Variants in DLG2 observed in about 807,000 individuals in gnomAD.
The protein encoded by DLG2 is disks large homolog 2.
DLG2 carries 45 observed loss-of-function variants against 132.5 expected under a neutral mutation model. That is an observed-to-expected ratio of 0.34 (90% CI 0.27 to 0.44). The LOEUF (loss-of-function observed/expected upper bound fraction) is 0.44. Ranked by LOEUF, DLG2 falls within the 20% of genes least tolerant of loss-of-function variation. The probability of loss-of-function intolerance (pLI) is 1.00; values close to 1 mark genes in which losing one functional copy is unlikely to be tolerated. For synonymous variants in DLG2, 424 were observed against 419.6 expected (o/e 1.01, Z -0.13); for missense variants, 1,045 against 1,196.9 (o/e 0.87, Z 1.87).
chr11:85,331,713 T>C (rs1386143767), intron 3 of DLG2, among the ~76,000 whole-genome samples: 2 of 152,158 alleles, frequency 1.3e-5, no homozygotes, highest in African/African-American at 4.8e-5. Context: ...CGTGAAAACA[T>C]GAAGTATTTA....
At chr11:84,720,120 C>T (rs1401535827) in intron 6 of DLG2, among the ~76,000 whole-genome samples, 1 of 152,136 alleles carries the variant, frequency 6.6e-6, no homozygotes, top group Non-Finnish European at 1.5e-5. Flanking sequence ...CAACATCGGA[C>T]GCCAGAAAAT....
At chr11:85,498,154 G>A (rs893686085) in intron 3 of DLG2, among the ~76,000 whole-genome samples, 1 of 152,062 alleles carries the variant, frequency 6.6e-6, no homozygotes, top group Non-Finnish European at 1.5e-5. Flanking sequence ...AAAGAGTCAA[G>A]AACCATCAGT....
chr11:84,817,166 C>G (rs2077169032), intron 6 of DLG2, among the ~76,000 whole-genome samples: 1 of 152,056 alleles, frequency 6.6e-6, no homozygotes, highest in African/African-American at 2.4e-5. Context: ...CAAGCACTCT[C>G]TCTGATTGGT....
At chr11:84,636,467 G>A (rs139961675) in intron 6 of DLG2, among the ~76,000 whole-genome samples, 1 of 152,162 alleles carries the variant, frequency 6.6e-6, no homozygotes, top group Non-Finnish European at 1.5e-5. Context: ...TCTGTGAGTT[G>A]TGGAGAGTAA....
At chr11:84,228,894 G>A (rs1193670232) in intron 8 of DLG2, among the ~76,000 whole-genome samples, 1 of 152,062 alleles carries the variant, frequency 6.6e-6, no homozygotes, top group Non-Finnish European at 1.5e-5. Context: ...GGGAGCCTTG[G>A]GTATAGTTTT....
intron 16 of DLG2, among the ~76,000 whole-genome samples, chr11:83,849,802 A>G (rs1395078018): frequency 6.7e-6 from 1 of 150,070 alleles, no homozygotes; most frequent in Non-Finnish European, 1.5e-5. Flanking sequence ...TATAACGCGA[A>G]TTTCTTATTT....
At chr11:84,580,740 T>C (rs1348999653) in intron 6 of DLG2, among the ~76,000 whole-genome samples, 1 of 152,238 alleles carries the variant, frequency 6.6e-6, no homozygotes, top group Non-Finnish European at 1.5e-5. Flanking sequence ...GAATATAGTA[T>C]TTTGGTTTCA....
intron 6 of DLG2, among the ~76,000 whole-genome samples, chr11:84,771,694 A>G (rs1451830289): frequency 2.0e-5 from 3 of 152,228 alleles, no homozygotes; most frequent in African/African-American, 7.2e-5. Flanking sequence ...AAGACACACC[A>G]AAATATATGG....
chr11:83,802,052 G>A (rs1333597400), intron 17 of DLG2, among the ~76,000 whole-genome samples: 2 of 152,022 alleles, frequency 1.3e-5, no homozygotes, highest in Non-Finnish European at 1.5e-5. Flanking sequence ...GCATCTTTGA[G>A]GGTGAGGCCC....
intron 9 of DLG2, among the ~76,000 whole-genome samples, chr11:84,160,679 G>A (rs537398524): frequency 6.6e-6 from 1 of 152,150 alleles, no homozygotes; most frequent in Non-Finnish European, 1.5e-5. Flanking sequence ...TAAAAAGCAA[G>A]ATAGGGCTTG....
At chr11:85,069,751 C>T (rs1341004808) in intron 6 of DLG2, among the ~76,000 whole-genome samples, 4 of 152,114 alleles carry the variant, frequency 2.6e-5, no homozygotes, top group African/African-American at 4.8e-5. Context: ...GTGGCGATTC[C>T]TCAGGGATCT....
intron 6 of DLG2, among the ~76,000 whole-genome samples, chr11:84,543,980 T>C (rs946636030): frequency 6.6e-6 from 1 of 152,208 alleles, no homozygotes; most frequent in Non-Finnish European, 1.5e-5. Context: ...CTCTATGTAA[T>C]TACCTACTAT....
At chr11:83,728,562 T>A (rs1381368514) in intron 18 of DLG2, among the ~76,000 whole-genome samples, 1 of 152,230 alleles carries the variant, frequency 6.6e-6, no homozygotes, top group Non-Finnish European at 1.5e-5. Context: ...TCTCACACTA[T>A]CCTGCAATGT....
intron 7 of DLG2, among the ~76,000 whole-genome samples, chr11:84,470,306 G>A (rs1005565039): frequency 1.3e-5 from 2 of 151,714 alleles, no homozygotes; most frequent in African/African-American, 4.8e-5. Flanking sequence ...GGTGAGGATA[G>A]AATGGATTTC....
intron 6 of DLG2, among the ~76,000 whole-genome samples, chr11:84,809,062 T>C (rs2076287021): frequency 6.6e-6 from 1 of 151,886 alleles, no homozygotes; most frequent in East Asian, 1.9e-4. Flanking sequence ...CAAATAAATT[T>C]CGACAATATA....
At chr11:85,359,700 A>G (rs2152897940) in intron 3 of DLG2, among the ~76,000 whole-genome samples, 1 of 152,270 alleles carries the variant, frequency 6.6e-6, no homozygotes, top group Middle Eastern at 3.4e-3. Flanking sequence ...TTAATAAGAA[A>G]CATGATATGA....
At chr11:84,872,842 G>A (rs1387236399) in intron 6 of DLG2, among the ~76,000 whole-genome samples, 1 of 152,170 alleles carries the variant, frequency 6.6e-6, no homozygotes, top group Non-Finnish European at 1.5e-5. Flanking sequence ...CTTAATTAAA[G>A]ACACTAACTA....
intron 3 of DLG2, among the ~76,000 whole-genome samples, chr11:85,408,865 A>G (rs2089045099): frequency 1.3e-5 from 2 of 151,838 alleles, no homozygotes; most frequent in African/African-American, 4.8e-5. Context: ...ATACGTGTGC[A>G]TGTGTCTTTA....
intron 3 of DLG2, among the ~76,000 whole-genome samples, chr11:85,387,505 T>G (rs286025): frequency 1.3e-5 from 2 of 152,202 alleles, no homozygotes; most frequent in Admixed American, 1.3e-4. Flanking sequence ...AAAGTAAGTT[T>G]GAGGAAGGGC....
Sources: gnomAD v4.1 joint callset for allele counts (sites outside exome capture counted in the v4.1 genomes callset) on GRCh38, gnomAD v4.1.1 for gene constraint, MANE v1.5 for transcripts, NCBI Gene and HGNC (gene_info 2026-07-23, HGNC 2026-07-21) for gene names.